The following VPS13B variants were observed in gnomAD, a reference collection of about 807,000 sequenced individuals.
VPS13B encodes intermembrane lipid transfer protein VPS13B.
VPS13B carries 285 observed loss-of-function variants against 426.4 expected under a neutral mutation model. That is an observed-to-expected ratio of 0.67 (90% confidence interval 0.61 to 0.74). The LOEUF (loss-of-function observed/expected upper bound fraction) is 0.74, where lower values mean the gene tolerates loss of function less well. Among genes scored for constraint, VPS13B ranks in the 30% least tolerant of loss-of-function variants. The probability of loss-of-function intolerance (pLI) is 0.00; values close to 1 mark genes in which losing one functional copy is unlikely to be tolerated. For synonymous variants in VPS13B, 1,676 were observed against 1,676.4 expected (o/e 1.00, Z 0.01); for missense variants, 4,537 against 4,782.6 (o/e 0.95, Z 1.51).
intron 35 of VPS13B, among the ~76,000 whole-genome samples, chr8:99,665,516 G>C (rs1254791188): frequency 2.0e-5 from 3 of 152,220 alleles, no homozygotes; most frequent in Non-Finnish European, 2.9e-5. Flanking sequence ...GGAAGGGATT[G>C]AGTTTCAGCT....
chr8:99,492,505 A>T (rs954370670), intron 25 of VPS13B, among the ~76,000 whole-genome samples: 1 of 152,132 alleles, frequency 6.6e-6, no homozygotes, highest in Non-Finnish European at 1.5e-5. Context: ...GGTCTAGCTG[A>T]GTTGCGGTGG....
chr8:99,657,382 C>T (rs1004586182), intron 34 of VPS13B, among the ~76,000 whole-genome samples: 2 of 151,634 alleles, frequency 1.3e-5, no homozygotes, highest in African/African-American at 4.9e-5. Flanking sequence ...GTAAATAGTG[C>T]TATTTTGTCT....
intron 35 of VPS13B, among the ~76,000 whole-genome samples, chr8:99,665,036 T>A (rs1052850015): frequency 4.6e-5 from 7 of 152,368 alleles, no homozygotes; most frequent in Middle Eastern, 3.4e-3. Flanking sequence ...GGTATCTCAT[T>A]GCGGTTTTGA....
At chr8:99,485,889 T>C (rs1231523639) in intron 25 of VPS13B, among the ~76,000 whole-genome samples, 1 of 152,220 alleles carries the variant, frequency 6.6e-6, no homozygotes, top group African/African-American at 2.4e-5. Flanking sequence ...CATTTTAAAA[T>C]AATTGGTTTA....
At chr8:99,842,606 C>T (rs2130885299) in intron 54 of VPS13B, among the ~76,000 whole-genome samples, 1 of 152,098 alleles carries the variant, frequency 6.6e-6, no homozygotes, top group Admixed American at 6.5e-5. Flanking sequence ...CAGAGCAAAA[C>T]CCGTCTCTAT....
At chr8:99,093,219 A>G (rs933813836) in intron 3 of VPS13B, among the ~76,000 whole-genome samples, 44 of 152,182 alleles carry the variant, frequency 2.9e-4, no homozygotes, top group African/African-American at 1.0e-3. Flanking sequence ...ACAGCACTTG[A>G]AAAAGAACAG....
intron 15 of VPS13B, among the ~76,000 whole-genome samples, chr8:99,164,598 A>T (rs947933874): frequency 1.3e-5 from 2 of 152,224 alleles, no homozygotes; most frequent in Non-Finnish European, 1.5e-5. Flanking sequence ...GAAGACCCAC[A>T]TAAGTAGAAT....
intron 17 of VPS13B, chr8:99,233,113 A>G (rs1816436811): frequency 7.3e-7 from 1 of 1,364,704 alleles, no homozygotes; most frequent in Non-Finnish European, 1.0e-6. Flanking sequence ...CACCTCTTGT[A>G]CAGTTTCCCT....
chr8:99,059,711 G>A (rs1418121140), intron 3 of VPS13B, among the ~76,000 whole-genome samples: 1 of 131,718 alleles, frequency 7.6e-6, no homozygotes, highest in Admixed American at 7.5e-5. Flanking sequence ...CTAAACTTTT[G>A]TTTTAGGTTT....
intron 17 of VPS13B, among the ~76,000 whole-genome samples, chr8:99,250,664 CTTTTTTTTTTTTTTTTTTTTTTTTTTT>C: frequency 2.8e-5 from 1 of 35,806 alleles, no homozygotes; most frequent in Non-Finnish European, 4.7e-5. Flanking sequence ...TGTGTTTATT[CTTTTTTTTTTTTTTTTTTTTTTTTTTT>C]TTTTTTTTTT....
chr8:99,516,555 A>G (rs1358676173), intron 29 of VPS13B, among the ~76,000 whole-genome samples: 3 of 152,010 alleles, frequency 2.0e-5, no homozygotes, highest in Non-Finnish European at 4.4e-5. Context: ...TTGGGAGGCC[A>G]AAGCAGGCAT....
chr8:99,376,344 A>G (rs1436469970), intron 19 of VPS13B, among the ~76,000 whole-genome samples: 8 of 152,208 alleles, frequency 5.3e-5, no homozygotes, highest in Non-Finnish European at 4.4e-5. Context: ...TCTCTAAATT[A>G]AAGAGAACAT....
At chr8:99,616,972 C>G (rs1321449700) in intron 33 of VPS13B, among the ~76,000 whole-genome samples, 1 of 152,090 alleles carries the variant, frequency 6.6e-6, no homozygotes, top group South Asian at 2.1e-4. Flanking sequence ...AAATGTCTGA[C>G]AATAGTACAA....
At chr8:99,671,959 C>G (rs1303411049) in intron 35 of VPS13B, among the ~76,000 whole-genome samples, 1 of 152,116 alleles carries the variant, frequency 6.6e-6, no homozygotes, top group Non-Finnish European at 1.5e-5. Context: ...TCTGGGTTCT[C>G]TATTCTGTTC....
At chr8:99,741,791 A>C (rs995629454) in intron 39 of VPS13B, among the ~76,000 whole-genome samples, 7 of 152,202 alleles carry the variant, frequency 4.6e-5, no homozygotes, top group African/African-American at 9.6e-5. Flanking sequence ...ACAAAGACAC[A>C]ACATACCAGA....
At chr8:99,606,931 CTT>C (rs1012438144) in intron 33 of VPS13B, among the ~76,000 whole-genome samples, 14 of 152,276 alleles carry the variant, frequency 9.2e-5, no homozygotes, top group African/African-American at 3.4e-4. Context: ...TTACATGTCT[CTT>C]TAAGCACAGG....
chr8:99,435,375 T>C (rs560825526), intron 22 of VPS13B, among the ~76,000 whole-genome samples: 2 of 152,318 alleles, frequency 1.3e-5, no homozygotes, highest in African/African-American at 4.8e-5. Context: ...TGATATCATT[T>C]TGAGTAGTTC....
intron 17 of VPS13B, 94 bp downstream of exon 17, chr8:99,193,151 ACT>A: frequency 4.0e-6 from 5 of 1,239,022 alleles, no homozygotes; most frequent in Non-Finnish European, 5.7e-6. Flanking sequence ...AGCATGGTCA[ACT>A]TAAATTGTAA....
rs544565354 is a variant in VPS13B at position 99,861,748 on chromosome 8, G to A, written c.11045-28G>A. 5.8e-5 allele frequency: 91 copies of A among 1,578,686 alleles called. No individual in the cohort carries two copies. The South Asian group carries it at 1.0e-3, about 17-fold the overall frequency. Reference sequence around the variant, plus strand: ...GGGTCCATCATGTATGCGACAAGGAGGCTAACCCCATGCTCTTGTTCCCTC... The same window carrying A: ...GGGTCCATCATGTATGCGACAAGGAAGCTAACCCCATGCTCTTGTTCCCTC... On this transcript the variant is annotated intron_variant, in intron 57 of 61. Coordinates refer to ENST00000357162, the MANE Select transcript of VPS13B (RefSeq NM_152564.5).
Sources: allele counts gnomAD v4.1 joint callset (sites outside exome capture counted in the v4.1 genomes callset), GRCh38; gene constraint gnomAD v4.1.1; transcripts MANE v1.5; gene names NCBI Gene and HGNC (gene_info 2026-07-23, HGNC 2026-07-21).